The following AKAP7 variants were observed in gnomAD, a reference collection of about 807,000 sequenced individuals.
AKAP7 encodes A kinase (PRKA) anchor protein 7.
In AKAP7, 39 loss-of-function variants were observed where a neutral mutation model predicts 39.5. The ratio of observed to expected loss-of-function variants is 0.99; its 90% CI spans 0.76 to 1.29. The LOEUF (loss-of-function observed/expected upper bound fraction) is 1.29, where lower values mean the gene tolerates loss of function less well. AKAP7 is among the 50% of genes most tolerant of loss of function. The pLI, the probability that AKAP7 is intolerant of heterozygous loss-of-function variation, is 0.00. For synonymous variants in AKAP7, 140 were observed against 139.1 expected, an observed-to-expected ratio of 1.01 and a Z score of -0.05; for missense variants, 414 against 407.7, an observed-to-expected ratio of 1.02 and a Z score of -0.13.
At chr6:131,166,980 G>T (rs1803567576) in intron 4 of AKAP7, among the ~76,000 whole-genome samples, 1 of 152,078 alleles carries the variant, frequency 6.6e-6, no homozygotes, top group Non-Finnish European at 1.5e-5. Context: ...TCTTGAGGTA[G>T]ATGTCACCTA....
At chr6:131,236,086 G>T (rs1282744347) in intron 7 of AKAP7, among the ~76,000 whole-genome samples, 4 of 152,130 alleles carry the variant, frequency 2.6e-5, no homozygotes, top group Admixed American at 6.5e-5. Flanking sequence ...TTTGTATAAG[G>T]TGTAAAGAAG....
chr6:131,227,593 G>A (rs1307569644), intron 7 of AKAP7, among the ~76,000 whole-genome samples: 1 of 152,156 alleles, frequency 6.6e-6, no homozygotes, highest in Non-Finnish European at 1.5e-5. Context: ...TAGCATAAGA[G>A]GCCAGGAGGA....
intron 7 of AKAP7, among the ~76,000 whole-genome samples, chr6:131,267,229 T>A (rs1394318827): frequency 1.3e-5 from 2 of 152,192 alleles, no homozygotes; most frequent in Non-Finnish European, 1.5e-5. Context: ...TTGCTTACAT[T>A]TTAGGCCCTC....
In AKAP7 at chr6:131,282,354, A is replaced by G; in HGVS notation, c.*628A>G. ...TAAAATCCTATTTTGATAAGTCAGTATGCCATATTTAATGAAATGTTATTA... is the reference window on the plus strand; with the variant it reads ...TAAAATCCTATTTTGATAAGTCAGTGTGCCATATTTAATGAAATGTTATTA... On this transcript the variant is annotated 3_prime_UTR_variant, in exon 8 of 8. Transcript: ENST00000431975. 5 of 1,412,342 alleles carry G rather than the reference A, an allele frequency of 3.5e-6. No individual in the cohort carries two copies. The highest frequency in any genetic ancestry group is 4.6e-6 in the Non-Finnish European group (5 of 1,083,530). The allele number at this position is 1,412,342 out of a possible 1,614,324, so 87.5% of individuals were successfully genotyped here. A position where few individuals can be genotyped will look rare whatever the true frequency, so the allele number is the denominator to read the frequency against.
chr6:131,162,088 C>A (rs1451544526), intron 3 of AKAP7, among the ~76,000 whole-genome samples: 3 of 152,220 alleles, frequency 2.0e-5, no homozygotes, highest in Non-Finnish European at 4.4e-5. Flanking sequence ...CTCTGCATCA[C>A]CCCCATGTCT....
At chr6:131,194,088 T>C (rs1036041283) in intron 5 of AKAP7, among the ~76,000 whole-genome samples, 1 of 152,086 alleles carries the variant, frequency 6.6e-6, no homozygotes, top group African/African-American at 2.4e-5. Context: ...TTGGGTTGGG[T>C]TTGCTCTTGC....
At chr6:131,273,883 T>G (rs1814512213) in intron 7 of AKAP7, among the ~76,000 whole-genome samples, 2 of 152,044 alleles carry the variant, frequency 1.3e-5, no homozygotes, top group Admixed American at 6.6e-5. Context: ...AAAGTCATCC[T>G]TCACCTTCAT....
chr6:131,244,613 C>T (rs1811855146), intron 7 of AKAP7, among the ~76,000 whole-genome samples: 1 of 152,158 alleles, frequency 6.6e-6, no homozygotes, highest in South Asian at 2.1e-4. Context: ...AATGTTGGGC[C>T]ACACACATAG....
At chr6:131,186,290 T>TC in intron 5 of AKAP7, among the ~76,000 whole-genome samples, 1 of 152,098 alleles carries the variant, frequency 6.6e-6, no homozygotes, top group Non-Finnish European at 1.5e-5. Context: ...AGATGCCCGC[T>TC]CCCCTGTGCC....
chr6:131,207,581 C>T (rs1477454674), intron 6 of AKAP7, among the ~76,000 whole-genome samples: 4 of 145,866 alleles, frequency 2.7e-5, no homozygotes, highest in African/African-American at 1.0e-4. Context: ...ACGATCCTCA[C>T]ACCTTGGCCT....
chr6:131,256,779 A>AG lies in AKAP7; in HGVS notation c.851-24751_851-24750insG, dbSNP rs201319022. ...GGTCTCAAACTCCTGGCCTCAAGTG[A>AG]TCCTCCCACCTCGGCCTCCCAGAGT... On this transcript the variant is annotated intron_variant, in intron 7 of 7. Transcript: ENST00000431975. 0.014 allele frequency among the ~76,000 whole-genome samples: 2,153 copies of AG among 151,960 alleles called. 137 individuals are homozygous for AG. In the East Asian group the frequency reaches 0.17, roughly 12 times the overall value.
At chr6:131,182,437 A>G (rs531756181) in intron 5 of AKAP7, among the ~76,000 whole-genome samples, 3 of 152,352 alleles carry the variant, frequency 2.0e-5, no homozygotes, top group East Asian at 3.9e-4. Context: ...TTCACTTAAC[A>G]TAACGTCCTT....
At chr6:131,188,040 T>C (rs528991335) in intron 5 of AKAP7, among the ~76,000 whole-genome samples, 1 of 152,194 alleles carries the variant, frequency 6.6e-6, no homozygotes, top group African/African-American at 2.4e-5. Context: ...CTGGTTCTCT[T>C]TATCAACTGT....
intron 7 of AKAP7, among the ~76,000 whole-genome samples, chr6:131,228,863 T>A (rs1250345361): frequency 6.6e-6 from 1 of 152,212 alleles, no homozygotes; most frequent in East Asian, 1.9e-4. Context: ...TCTAGACAGT[T>A]GCAACTAAAA....
chr6:131,153,510 A>T (rs1018307022), intron 2 of AKAP7, among the ~76,000 whole-genome samples: 1 of 152,180 alleles, frequency 6.6e-6, no homozygotes, highest in Admixed American at 6.5e-5. Flanking sequence ...TATATGTTAT[A>T]ACCATTACCT....
rs1218504269 is a variant in AKAP7, at chr6:131,135,510, T to TGCTGCGGCTGCCGCCGCC, written c.-248_-231dup. Among the ~76,000 whole-genome samples the TGCTGCGGCTGCCGCCGCC allele has an allele frequency of 6.7e-6, 1 of 148,592 alleles. No individual in the cohort carries two copies. Among genetic ancestry groups the TGCTGCGGCTGCCGCCGCC allele is most frequent in the Middle Eastern group, 3.6e-3 (1 of 278 alleles). On this transcript the variant is annotated 5_prime_UTR_variant, in exon 1 of 8. Coordinates refer to ENST00000431975, the MANE Select transcript of AKAP7 (RefSeq NM_016377.4). Reference sequence around the variant, plus strand: ...CGGCCTGGCATGCGGGTGCTGCGGCTGCTGCGGCTGCCGCCGCCGCTGCTG... The same window carrying TGCTGCGGCTGCCGCCGCC: ...CGGCCTGGCATGCGGGTGCTGCGGCTGCTGCGGCTGCCGCCGCCGCTGCGGCTGCCGCCGCCGCTGCTG...
intron 5 of AKAP7, among the ~76,000 whole-genome samples, chr6:131,190,766 T>C (rs1000631598): frequency 2.0e-5 from 3 of 152,170 alleles, no homozygotes; most frequent in Non-Finnish European, 2.9e-5. Flanking sequence ...AAATGCCCAC[T>C]GTTTTAATTT....
chr6:131,283,099 T>C lies in AKAP7; in HGVS notation c.*1373T>C, dbSNP rs1171030096. 1 of 152,940 alleles carries C rather than the reference T, an allele frequency of 6.5e-6. No individual in the cohort carries two copies. Among genetic ancestry groups the C allele is most frequent in the Non-Finnish European group, 1.5e-5 (1 of 68,238 alleles). 9.5% of individuals were successfully genotyped at this position (152,940 alleles called of 1,614,324 possible). A position where few individuals can be genotyped will look rare whatever the true frequency, so the allele number is the denominator to read the frequency against. ...GAATGAACATTTATAAATGTAATTA[T>C]TGCGATCACTGGTTAAGAATGTTTT... On this transcript the variant is annotated 3_prime_UTR_variant, in exon 8 of 8. Coordinates refer to ENST00000431975, the MANE Select transcript of AKAP7 (RefSeq NM_016377.4).
chr6:131,241,805 A>T (rs964965653), intron 7 of AKAP7, among the ~76,000 whole-genome samples: 43 of 152,004 alleles, frequency 2.8e-4, no homozygotes, highest in African/African-American at 9.4e-4. Flanking sequence ...AGAGGCTATG[A>T]TAGAGATAAA....
Sources: allele counts gnomAD v4.1 joint callset (sites outside exome capture counted in the v4.1 genomes callset), GRCh38; gene constraint gnomAD v4.1.1; transcripts MANE v1.5; gene names NCBI Gene and HGNC (gene_info 2026-07-23, HGNC 2026-07-21).